The following CSMD3 variants were observed in gnomAD, a reference collection of about 807,000 sequenced individuals.
CSMD3 encodes CUB and Sushi multiple domains 3, also known as CUB and sushi domain-containing protein 3.
A neutral mutation model predicts 435.2 loss-of-function variants in CSMD3; 177 were observed. That is an observed-to-expected ratio of 0.41 (90% confidence interval 0.36 to 0.46). The LOEUF is 0.46. CSMD3 is among the 20% of genes least tolerant of loss of function. The pLI, the probability that CSMD3 is intolerant of heterozygous loss-of-function variation, is 0.34. For missense variants in CSMD3, 4,265 were observed against 4,504.6 expected (o/e 0.95, Z 1.52); for synonymous variants, 1,656 against 1,520.5 (o/e 1.09, Z -2.07).
At chr8:112,777,320 T>C (rs920656578) in intron 13 of CSMD3, among the ~76,000 whole-genome samples, 5 of 151,886 alleles carry the variant, frequency 3.3e-5, no homozygotes, top group Non-Finnish European at 7.4e-5. Context: ...TTGTATTTTA[T>C]ACTCTATTTT....
At chr8:112,752,925 G>A (rs1185813957) in intron 13 of CSMD3, among the ~76,000 whole-genome samples, 3 of 151,474 alleles carry the variant, frequency 2.0e-5, no homozygotes, top group Admixed American at 6.6e-5. Context: ...GTGTGTGTGT[G>A]TGTGTGTGTG....
intron 3 of CSMD3, among the ~76,000 whole-genome samples, chr8:113,211,249 G>A (rs527364460): frequency 1.6e-4 from 25 of 152,292 alleles, no homozygotes; most frequent in African/African-American, 5.8e-4. Flanking sequence ...TTTAGTGTGT[G>A]TAGTAGAGGT....
At chr8:112,732,699 CA>C (rs34891739) in intron 13 of CSMD3, among the ~76,000 whole-genome samples, 101 of 97,166 alleles carry the variant, frequency 1.0e-3, no homozygotes, top group East Asian at 1.7e-3. Context: ...GACTCCATCT[CA>C]AAAAAAAAAA....
chr8:113,320,778 G>A (rs2093944164), intron 1 of CSMD3, among the ~76,000 whole-genome samples: 1 of 151,852 alleles, frequency 6.6e-6, no homozygotes, highest in South Asian at 2.1e-4. Flanking sequence ...CTAAATTTCT[G>A]TCTTCATCTG....
intron 59 of CSMD3, among the ~76,000 whole-genome samples, chr8:112,276,051 CT>C (rs1818005225): frequency 6.6e-6 from 1 of 152,188 alleles, no homozygotes; most frequent in African/African-American, 2.4e-5. Context: ...AAGTTAGTTA[CT>C]TCCTAGATAC....
chr8:113,405,309 C>G (rs2094527730), intron 1 of CSMD3, among the ~76,000 whole-genome samples: 1 of 151,436 alleles, frequency 6.6e-6, no homozygotes, highest in Non-Finnish European at 1.5e-5. Flanking sequence ...TGAATGACAT[C>G]TCTGTCATTT....
chr8:112,643,207 C>T (rs945441178), intron 20 of CSMD3, among the ~76,000 whole-genome samples: 1 of 151,958 alleles, frequency 6.6e-6, no homozygotes, highest in Non-Finnish European at 1.5e-5. Context: ...ACAGGGATAA[C>T]GGCTGCAGAA....
chr8:113,030,229 A>C (rs2087036255), intron 5 of CSMD3, among the ~76,000 whole-genome samples: 1 of 150,980 alleles, frequency 6.6e-6, no homozygotes, highest in Non-Finnish European at 1.5e-5. Context: ...ATTCAATGCA[A>C]TCCCCATCAA....
chr8:112,515,410 A>C (rs1439976947), intron 28 of CSMD3, among the ~76,000 whole-genome samples: 2 of 152,154 alleles, frequency 1.3e-5, no homozygotes, highest in Non-Finnish European at 2.9e-5. Context: ...ATTTAGTTGA[A>C]AATTTTTTGG....
intron 5 of CSMD3, among the ~76,000 whole-genome samples, chr8:113,071,715 A>G (rs1269279506): frequency 6.6e-6 from 1 of 151,858 alleles, no homozygotes; most frequent in Non-Finnish European, 1.5e-5. Flanking sequence ...TATTTGTAAT[A>G]TATTTTGCAA....
chr8:112,596,770 G>C (rs531283815), intron 22 of CSMD3, among the ~76,000 whole-genome samples: 2 of 151,986 alleles, frequency 1.3e-5, no homozygotes, highest in African/African-American at 4.8e-5. Context: ...ATGACTACTG[G>C]ATACATAATG....
chr8:113,424,871 T>G (rs528095178), intron 1 of CSMD3, among the ~76,000 whole-genome samples: 1 of 151,564 alleles, frequency 6.6e-6, no homozygotes, highest in Admixed American at 6.6e-5. Context: ...ATATATATGA[T>G]ATATAAATAA....
chr8:112,392,466 T>A (rs1419166965), intron 35 of CSMD3, among the ~76,000 whole-genome samples: 1 of 152,252 alleles, frequency 6.6e-6, no homozygotes, highest in Middle Eastern at 3.4e-3. Flanking sequence ...TTAATTTAGC[T>A]AATTTAAATA....
At chr8:113,404,696 G>C (rs2094524919) in intron 1 of CSMD3, among the ~76,000 whole-genome samples, 1 of 151,180 alleles carries the variant, frequency 6.6e-6, no homozygotes, top group Non-Finnish European at 1.5e-5. Context: ...TATACTATAT[G>C]TACACAGATG....
intron 53 of CSMD3, among the ~76,000 whole-genome samples, chr8:112,297,111 ATT>A (rs546948195): frequency 1.4e-5 from 2 of 146,700 alleles, no homozygotes; most frequent in Non-Finnish European, 1.5e-5. Flanking sequence ...CTTCCCACGG[ATT>A]TTTTTTTTTG....
chr8:112,782,218 TA>T (rs144840063), intron 13 of CSMD3, among the ~76,000 whole-genome samples: 50,371 of 151,148 alleles, frequency 0.33, 9,209 homozygotes, highest in African/African-American at 0.5. Flanking sequence ...TCCTACCAAA[TA>T]AAAAAAAATT....
chr8:112,535,613 T>G (rs1263432366), intron 27 of CSMD3, among the ~76,000 whole-genome samples: 4 of 152,050 alleles, frequency 2.6e-5, no homozygotes, highest in Non-Finnish European at 1.5e-5. Context: ...AATTTATAGA[T>G]TCAATGCCAT....
chr8:112,608,332 G>A (rs980195465), intron 22 of CSMD3, among the ~76,000 whole-genome samples: 1 of 152,028 alleles, frequency 6.6e-6, no homozygotes, highest in African/African-American at 2.4e-5. Context: ...GTGTTCATGG[G>A]TGAGAAGACT....
intron 27 of CSMD3, among the ~76,000 whole-genome samples, chr8:112,518,488 G>T (rs900905339): frequency 4.6e-5 from 7 of 152,150 alleles, no homozygotes; most frequent in African/African-American, 1.7e-4. Flanking sequence ...ATTTATAAGT[G>T]AATTTGTTTT....
Sources: allele counts gnomAD v4.1 joint callset (sites outside exome capture counted in the v4.1 genomes callset), GRCh38; gene constraint gnomAD v4.1.1; transcripts MANE v1.5; gene names NCBI Gene and HGNC (gene_info 2026-07-23, HGNC 2026-07-21).